The following WSB1 variants were observed in gnomAD, a reference collection of about 807,000 sequenced individuals.
WSB1 encodes the protein WD repeat and SOCS box containing 1, also known as WD repeat and SOCS box-containing protein 1.
Under a neutral mutation model 50.2 loss-of-function variants are expected in WSB1, and 23 were observed. The observed-to-expected ratio is 0.46, with a 90% CI of 0.33 to 0.65. The LOEUF (loss-of-function observed/expected upper bound fraction) is 0.65. Among genes scored for constraint, WSB1 ranks in the 30% least tolerant of loss-of-function variants. The pLI is 0.02. For synonymous variants in WSB1, 179 were observed against 172.0 expected, an observed-to-expected ratio of 1.04 and a Z score of -0.32; for missense variants, 492 against 522.3, an observed-to-expected ratio of 0.94 and a Z score of 0.56.
chr17:27,308,928 A>G, intron 5 of WSB1, 172 bp from the exon 6 acceptor site: 2 of 1,225,636 alleles, frequency 1.6e-6, no homozygotes, highest in Non-Finnish European at 2.0e-6. Context: ...TGCCTTAATT[A>G]ACTTAAAGAC....
rs2017575247 is a variant in WSB1 at position 27,309,246 on chromosome 17, T to A, written c.858T>A (p.His286Gln). ...YDTRVYIWDPHNGDILMEFGH... is the reference protein window; with the variant it reads ...YDTRVYIWDPQNGDILMEFGH... ...CTCGAGTATATATCTGGGATCCACA[T>A]AATGGAGACATTCTGATGGAATTTG... The change falls in exon 6 of 9, where the codon CAT (histidine) becomes CAA (glutamine). Residue 286 changes from histidine (H) to glutamine (Q), a missense_variant. Coordinates refer to ENST00000262394, the MANE Select transcript of WSB1 (RefSeq NM_015626.10). 1 of 1,609,168 alleles carries A rather than the reference T, an allele frequency of 6.2e-7. No homozygotes were observed. The highest frequency in any genetic ancestry group is 1.3e-5 in the African/African-American group (1 of 74,966).
chr17:27,302,086 G>C, intron 2 of WSB1, 130 bp downstream of exon 2: 2 of 1,160,038 alleles, frequency 1.7e-6, no homozygotes, highest in Non-Finnish European at 1.2e-6. Context: ...TTTAATCATG[G>C]GCTGAATATA....
chr17:27,297,749 T>TA (rs1413366955), intron 1 of WSB1, among the ~76,000 whole-genome samples: 2 of 152,172 alleles, frequency 1.3e-5, no homozygotes, highest in East Asian at 1.9e-4. Flanking sequence ...CCTGTCCTAT[T>TA]ACCACTATAC....
rs2150844402 is a variant in WSB1 at position 27,311,625 on chromosome 17, AT to A, written c.1106+14del. 1 of 734,074 alleles carries A rather than the reference AT, an allele frequency of 1.4e-6. No individual in the cohort carries two copies. The highest frequency in any genetic ancestry group is 2.0e-6 in the Non-Finnish European group (1 of 505,282). 45.5% of individuals were successfully genotyped at this position (734,074 alleles called of 1,614,324 possible). A position where few individuals can be genotyped will look rare whatever the true frequency, so the allele number is the denominator to read the frequency against. On this transcript the variant is annotated intron_variant, in intron 8 of 8. Coordinates refer to ENST00000262394, the MANE Select transcript of WSB1 (RefSeq NM_015626.10). ...AGTGTTTTAGCTGCTGGGTAAATAT[AT>A]TTTTCTCTTTTTTTTTTTTTTTTTT... is the stretch of plus-strand genomic sequence containing the variant.
At chr17:27,304,136 CAAAAACAT>C (rs2017347131) in intron 3 of WSB1, among the ~76,000 whole-genome samples, 1 of 151,640 alleles carries the variant, frequency 6.6e-6, no homozygotes, top group Non-Finnish European at 1.5e-5. Flanking sequence ...AATATGTACT[CAAAAACAT>C]AAAGGATTTT....
intron 5 of WSB1, chr17:27,307,115 G>GTT (rs772741598): frequency 1.5e-3 from 554 of 377,032 alleles, no homozygotes; most frequent in South Asian, 1.6e-3. Context: ...GCATATCAGG[G>GTT]TTTTTTTTTT....
intron 5 of WSB1, chr17:27,308,368 G>C: frequency 7.1e-6 from 7 of 985,226 alleles, no homozygotes; most frequent in Non-Finnish European, 8.4e-6. Context: ...ATCTAAAATT[G>C]TATATGAACT....
intron 1 of WSB1, among the ~76,000 whole-genome samples, chr17:27,295,317 A>G (rs908158149): frequency 3.9e-5 from 6 of 152,242 alleles, no homozygotes; most frequent in African/African-American, 1.4e-4. Context: ...GAGAGCATTT[A>G]CATTTTCCTA....
In WSB1 at chr17:27,299,368, G is replaced by A. The variant is rs555723222; in HGVS notation, c.41-2420G>A. Among the ~76,000 whole-genome samples the A allele has an allele frequency of 2.1e-3, 318 of 152,154 alleles. 1 individual carries two copies. Among genetic ancestry groups the A allele is most frequent in the South Asian group, 4.1e-3 (20 of 4,822 alleles). ...CTTTACAAAAATAAAAACATTAACCGGGTGTAGTGGTGCATGTCTGTGGTC... is the reference window on the plus strand; with the variant it reads ...CTTTACAAAAATAAAAACATTAACCAGGTGTAGTGGTGCATGTCTGTGGTC... On this transcript the variant is annotated intron_variant, in intron 1 of 8. Transcript: ENST00000262394.
intron 4 of WSB1, 93 bp downstream of exon 4, chr17:27,305,004 A>G: frequency 6.7e-7 from 1 of 1,501,010 alleles, no homozygotes. Flanking sequence ...GACTTTAAAA[A>G]TGACATGTGA....
At position 27,314,567 on chromosome 17, in the gene WSB1, C is replaced by T. The variant is rs2017794366; in HGVS notation, c.*2198C>T. 1 of 152,156 alleles carries T rather than the reference C, an allele frequency of 6.6e-6. No homozygotes were observed. 9.4% of individuals were successfully genotyped at this position (152,156 alleles called of 1,614,324 possible). A position where few individuals can be genotyped will look rare whatever the true frequency, so the allele number is the denominator to read the frequency against. ...CTCCAGCCTGGGTGACAGAGTAAGA[C>T]TCTAAATAAATAAGATACCATTACT... On this transcript the variant is annotated 3_prime_UTR_variant, in exon 9 of 9. Coordinates refer to ENST00000262394, the MANE Select transcript of WSB1 (RefSeq NM_015626.10).
chr17:27,312,076 T>C, intron 8 of WSB1, 134 bp from the exon 9 acceptor site: 1 of 1,090,538 alleles, frequency 9.2e-7, no homozygotes, highest in Non-Finnish European at 1.3e-6. Context: ...CATTGGTTAG[T>C]TCTTCCTGGT....
chr17:27,301,649 T>G, intron 1 of WSB1, 139 bp from the exon 2 acceptor site: 2 of 746,124 alleles, frequency 2.7e-6, no homozygotes, highest in Non-Finnish European at 4.2e-6. Context: ...ATACCCCCCG[T>G]TAGAGGATGG....
rs1430725998 is a variant in WSB1 at position 27,306,841 on chromosome 17, C to CCTGACT, written c.673_678dup (p.Asp225_Ser226dup). ...TTGGGTGTACAGCTGTGCATTCTCT[C>CCTGACT]CTGACTCTTCTATGCTGTGTTCAGT... On this transcript the variant is annotated inframe_insertion, in exon 5 of 9. Coordinates refer to ENST00000262394, the MANE Select transcript of WSB1 (RefSeq NM_015626.10). 1.2e-6 allele frequency: 2 copies of CCTGACT among 1,614,062 alleles called. No homozygotes were observed.
At position 27,298,941 on chromosome 17, in the gene WSB1, G is replaced by T. The variant is rs149438022; in HGVS notation, c.41-2847G>T. 3.9e-3 allele frequency among the ~76,000 whole-genome samples: 596 copies of T among 152,282 alleles called. 14 individuals carry two copies. Among genetic ancestry groups the T allele is most frequent in the Admixed American group, 0.032 (494 of 15,300 alleles). ...GTGGGGGCATGTGCCCGTAGTCCCT[G>T]CTACAGCTACTCAGGAGGTTGAGGC... On this transcript the variant is annotated intron_variant, in intron 1 of 8. Coordinates refer to ENST00000262394, the MANE Select transcript of WSB1 (RefSeq NM_015626.10).
intron 7 of WSB1, among the ~76,000 whole-genome samples, chr17:27,310,826 C>CT (rs1038739789): frequency 4.8e-5 from 7 of 145,490 alleles, no homozygotes; most frequent in African/African-American, 1.6e-4. Flanking sequence ...GGGTGAAAAG[C>CT]TTTTTTTCCT....
intron 4 of WSB1, 124 bp downstream of exon 4, chr17:27,305,035 C>G: frequency 2.4e-6 from 3 of 1,226,632 alleles, no homozygotes; most frequent in Non-Finnish European, 3.4e-6. Context: ...TTTTCTCTGC[C>G]TTAACACTTA....
Position 27,315,188 on chromosome 17 carries a change from G to A in WSB1, c.*2819G>A, listed in dbSNP as rs2017807382. 2 of 152,148 alleles carry A rather than the reference G, an allele frequency of 1.3e-5. No individual in the cohort carries two copies. Among genetic ancestry groups the A allele is most frequent in the South Asian group, 4.1e-4 (2 of 4,826 alleles). The allele number at this position is 152,148 out of a possible 1,614,324, so 9.4% of individuals were successfully genotyped here. ...TAGGGAAGACGTTGATTATGGACTT[G>A]GATCAGATTCTAGCTACATGATTTG... is the stretch of plus-strand genomic sequence containing the variant. On this transcript the variant is annotated 3_prime_UTR_variant, in exon 9 of 9. Transcript: ENST00000262394.
intron 4 of WSB1, 111 bp from the exon 5 acceptor site, chr17:27,306,671 A>G (rs2017474356): frequency 3.0e-6 from 3 of 1,016,866 alleles, no homozygotes; most frequent in Non-Finnish European, 4.4e-6. Context: ...TGTTATAGAT[A>G]AATTGCTTTC....
Sources: gnomAD v4.1 joint callset for allele counts (sites outside exome capture counted in the v4.1 genomes callset) on GRCh38, gnomAD v4.1.1 for gene constraint, MANE v1.5 for transcripts, NCBI Gene and HGNC (gene_info 2026-07-23, HGNC 2026-07-21) for gene names.